TENM2: variants seen among roughly 807,000 people sequenced by gnomAD.
The protein encoded by TENM2 is teneurin transmembrane protein 2, also known as teneurin-2.
A neutral mutation model predicts 245.2 loss-of-function variants in TENM2; 52 were observed. That is an observed-to-expected ratio of 0.21 (90% CI 0.17 to 0.27). The LOEUF (loss-of-function observed/expected upper bound fraction) is 0.27, where lower values mean the gene tolerates loss of function less well. Among genes scored for constraint, TENM2 ranks in the 10% least tolerant of loss-of-function variants. The probability of loss-of-function intolerance (pLI) is 1.00; values close to 1 mark genes in which losing one functional copy is unlikely to be tolerated. For missense variants in TENM2, 3,046 were observed against 3,666.8 expected (o/e 0.83, Z 4.37); for synonymous variants, 1,363 against 1,438.9 (o/e 0.95, Z 1.19).
the TENM2 span, among the ~76,000 whole-genome samples, chr5:167,144,090 TTAAAA>T: frequency 6.6e-6 from 1 of 152,208 alleles, no homozygotes; most frequent in African/African-American, 2.4e-5. Context: ...TTATTCATAC[TTAAAA>T]TAAAAGCTTA....
At chr5:168,071,406 G>A (rs1562121692) in intron 7 of TENM2, among the ~76,000 whole-genome samples, 1 of 152,024 alleles carries the variant, frequency 6.6e-6, no homozygotes, top group Non-Finnish European at 1.5e-5. Context: ...GTGATGATAG[G>A]AAAAACAGAA....
chr5:167,782,186 G>A (rs1764229993), intron 2 of TENM2, among the ~76,000 whole-genome samples: 1 of 151,178 alleles, frequency 6.6e-6, no homozygotes, highest in East Asian at 2.0e-4. Flanking sequence ...GGTAGCGCAT[G>A]CCTGTAATCC....
intron 1 of TENM2, among the ~76,000 whole-genome samples, chr5:167,368,613 T>C (rs773112978): frequency 1.8e-4 from 28 of 152,188 alleles, no homozygotes; most frequent in Non-Finnish European, 3.5e-4. Context: ...TCTTCTGTTA[T>C]AGTAAGCCTC....
At chr5:167,991,473 A>T (rs759759572) in intron 4 of TENM2, among the ~76,000 whole-genome samples, 1 of 152,248 alleles carries the variant, frequency 6.6e-6, no homozygotes, top group Non-Finnish European at 1.5e-5. Flanking sequence ...AAGACAAGTC[A>T]TCGTTTTAAA....
intron 2 of TENM2, among the ~76,000 whole-genome samples, chr5:167,560,897 G>T (rs2127640042): frequency 6.8e-6 from 1 of 146,746 alleles, no homozygotes; most frequent in Admixed American, 6.9e-5. Context: ...GCATTAGATT[G>T]TCATGAACTG....
intron 2 of TENM2, among the ~76,000 whole-genome samples, chr5:167,827,634 G>GGGGGA (rs1554126516): frequency 9.6e-5 from 11 of 114,814 alleles, no homozygotes; most frequent in African/African-American, 3.5e-4. Flanking sequence ...TGGGCGGGGG[G>GGGGGA]GGGGGAACAG....
At position 167,981,989 on chromosome 5, in the gene TENM2, AAAAAAAG is replaced by A. The variant is rs1275433094; in HGVS notation, c.948-10941_948-10935del. Among the ~76,000 whole-genome samples the A allele has an allele frequency of 1.6e-3, 235 of 151,582 alleles. 3 individuals are homozygous for A. The highest frequency in any genetic ancestry group is 5.5e-3 in the African/African-American group (227 of 41,336). On this transcript the variant is annotated intron_variant, in intron 4 of 28. Transcript: ENST00000518659. ...AGCTCTGTTTCAGACCAAAAAAAAAAAAAAAAGAAAAAAGAAAAAAAGAAAATCCAGA... is the reference window on the plus strand; with the variant it reads ...AGCTCTGTTTCAGACCAAAAAAAAAAAAAAAAGAAAAAAAGAAAATCCAGA...
the TENM2 span, among the ~76,000 whole-genome samples, chr5:167,176,434 A>G: frequency 6.6e-6 from 1 of 152,222 alleles, no homozygotes; most frequent in Non-Finnish European, 1.5e-5. Context: ...TGGGCTGCAC[A>G]TTACAATAAC....
rs77859794 is a variant in TENM2 at position 167,718,840 on chromosome 5, G to A, written c.503-157146G>A. Among the ~76,000 whole-genome samples, 40 of 151,380 alleles carry A rather than the reference G, an allele frequency of 2.6e-4. 1 individual carries two copies. In the East Asian group the frequency reaches 7.8e-3, roughly 29 times the overall value. ...CTCTGACATATCATTTAACCTCTCTGAGCCTCAGTTTCCTTATCAGCACAA... is the reference window on the plus strand; with the variant it reads ...CTCTGACATATCATTTAACCTCTCTAAGCCTCAGTTTCCTTATCAGCACAA... On this transcript the variant is annotated intron_variant, in intron 2 of 28. Coordinates refer to ENST00000518659, the Ensembl canonical transcript of TENM2.
the TENM2 span, chr5:167,116,423 G>A: frequency 6.6e-6 from 1 of 152,232 alleles, no homozygotes; most frequent in Non-Finnish European, 1.5e-5. Flanking sequence ...AGAATTCTGT[G>A]TGAATGTGGT....
chr5:167,822,751 C>T (rs1767636595), intron 2 of TENM2, among the ~76,000 whole-genome samples: 1 of 152,046 alleles, frequency 6.6e-6, no homozygotes. Context: ...AACAACAACA[C>T]ATTAGGCATG....
the TENM2 span, among the ~76,000 whole-genome samples, chr5:167,270,710 T>C: frequency 2.0e-5 from 3 of 152,142 alleles, no homozygotes; most frequent in Non-Finnish European, 2.9e-5. Context: ...CAATTACAAA[T>C]CCAATGGCCA....
the TENM2 span, among the ~76,000 whole-genome samples, chr5:167,186,392 A>G: frequency 6.6e-6 from 1 of 152,186 alleles, no homozygotes; most frequent in Non-Finnish European, 1.5e-5. Flanking sequence ...GAAAAGAGGT[A>G]AAGGAAATGA....
Position 167,875,982 on chromosome 5 carries a change from C to G in TENM2, c.503-4C>G, listed in dbSNP as rs765538139. The G allele has an allele frequency of 1.7e-5, 26 of 1,550,322 alleles. No homozygotes were observed. In the South Asian group the frequency reaches 3.0e-4, roughly 18 times the overall value. On this transcript the variant is annotated splice_region_variant and splice_polypyrimidine_tract_variant and intron_variant, in intron 2 of 28. Coordinates refer to ENST00000518659, the Ensembl canonical transcript of TENM2. ...ACCTTTGACCCCTCTGTCCTCTTTC[C>G]CAGGTCGTCCCATTCCACCTACATC...
the TENM2 span, among the ~76,000 whole-genome samples, chr5:167,136,288 C>A: frequency 1.3e-5 from 2 of 152,254 alleles, no homozygotes; most frequent in Admixed American, 6.5e-5. Flanking sequence ...AAATTGCTAT[C>A]GATGCTCCCA....
At chr5:167,518,583 C>T (rs1231057895) in intron 2 of TENM2, among the ~76,000 whole-genome samples, 2 of 152,142 alleles carry the variant, frequency 1.3e-5, no homozygotes, top group Non-Finnish European at 2.9e-5. Flanking sequence ...GAGTAGCTAA[C>T]ATCTGATGAT....
intron 5 of TENM2, among the ~76,000 whole-genome samples, chr5:168,018,473 C>A (rs1331333252): frequency 6.7e-6 from 1 of 150,278 alleles, no homozygotes; most frequent in Non-Finnish European, 1.5e-5. Context: ...ATTTCACTCT[C>A]TTCTTGGGTC....
At chr5:167,484,749 A>G (rs1004480522) in intron 2 of TENM2, among the ~76,000 whole-genome samples, 1 of 152,200 alleles carries the variant, frequency 6.6e-6, no homozygotes, top group Non-Finnish European at 1.5e-5. Context: ...GATCTAATAC[A>G]TGGGAAATTG....
intron 2 of TENM2, among the ~76,000 whole-genome samples, chr5:167,480,503 G>A (rs1352651829): frequency 6.6e-6 from 1 of 152,066 alleles, no homozygotes. Flanking sequence ...GTAGCTATTC[G>A]GTGTTTTCCT....
Sources: allele counts gnomAD v4.1 joint callset (sites outside exome capture counted in the v4.1 genomes callset), GRCh38; gene constraint gnomAD v4.1.1; transcripts MANE v1.5; gene names NCBI Gene and HGNC (gene_info 2026-07-23, HGNC 2026-07-21).